MARCHF1: variants seen among roughly 807,000 people sequenced by gnomAD.
The protein encoded by MARCHF1 is membrane associated ring-CH-type finger 1, also known as E3 ubiquitin-protein ligase MARCHF1.
In MARCHF1, 40 loss-of-function variants were observed where a neutral mutation model predicts 54.2. The observed-to-expected ratio is 0.74, with a 90% CI of 0.57 to 0.96. The LOEUF (loss-of-function observed/expected upper bound fraction) is 0.96, where lower values mean the gene tolerates loss of function less well. MARCHF1 is among the 40% of genes least tolerant of loss of function. MARCHF1 has a pLI of 0.00. For synonymous variants in MARCHF1, 236 were observed against 236.3 expected (o/e 1.00, Z 0.01); for missense variants, 586 against 656.5 (o/e 0.89, Z 1.17).
At chr4:163,590,846 C>T (rs571659155) in intron 7 of MARCHF1, among the ~76,000 whole-genome samples, 87 of 151,846 alleles carry the variant, frequency 5.7e-4, no homozygotes, top group African/African-American at 2.0e-3. Context: ...TCATGTTCTG[C>T]GTGTTGTAAA....
At chr4:164,068,381 C>A (rs577850166) in intron 2 of MARCHF1, among the ~76,000 whole-genome samples, 4 of 152,070 alleles carry the variant, frequency 2.6e-5, no homozygotes, top group Admixed American at 6.5e-5. Flanking sequence ...CCTCAGCTTG[C>A]GGGGAGGTGT....
intron 2 of MARCHF1, among the ~76,000 whole-genome samples, chr4:164,012,976 G>A (rs1753455391): frequency 6.6e-6 from 1 of 152,116 alleles, no homozygotes; most frequent in Non-Finnish European, 1.5e-5. Context: ...AGTCTTCCAT[G>A]CCCAGACATC....
At chr4:163,579,319 TAAAACAAATA>T (rs1215280222) in intron 8 of MARCHF1, among the ~76,000 whole-genome samples, 1 of 152,164 alleles carries the variant, frequency 6.6e-6, no homozygotes, top group Admixed American at 6.5e-5. Context: ...GTTTAGGAAA[TAAAACAAATA>T]AAAACAAAAC....
intron 4 of MARCHF1, among the ~76,000 whole-genome samples, chr4:163,802,928 A>G (rs1748122020): frequency 6.6e-6 from 1 of 152,150 alleles, no homozygotes; most frequent in African/African-American, 2.4e-5. Context: ...CATCGCAGAA[A>G]TGACTTCTGA....
chr4:163,699,617 T>G (rs1014593863), intron 5 of MARCHF1, among the ~76,000 whole-genome samples: 1 of 151,874 alleles, frequency 6.6e-6, no homozygotes, highest in African/African-American at 2.4e-5. Flanking sequence ...GGGGATCCTC[T>G]TCAAAGAAAG....
intron 4 of MARCHF1, among the ~76,000 whole-genome samples, chr4:163,832,187 T>C (rs866479901): frequency 2.0e-5 from 3 of 152,196 alleles, no homozygotes; most frequent in African/African-American, 7.2e-5. Flanking sequence ...TCGTTTCTAA[T>C]TGGGGAAAAC....
At chr4:164,140,536 C>T (rs28534709) in intron 1 of MARCHF1, among the ~76,000 whole-genome samples, 2,001 of 152,228 alleles carry the variant, frequency 0.013, 41 homozygotes, top group African/African-American at 0.042. Flanking sequence ...TTACCCCTCA[C>T]TAATTCCTGT....
chr4:164,257,426 A>AAT (rs1221463703), intron 1 of MARCHF1, among the ~76,000 whole-genome samples: 2 of 152,042 alleles, frequency 1.3e-5, no homozygotes, highest in Non-Finnish European at 2.9e-5. Context: ...CCATATAAAA[A>AAT]ATAATAGATT....
At chr4:163,901,101 A>C (rs951229125) in intron 3 of MARCHF1, among the ~76,000 whole-genome samples, 1 of 152,190 alleles carries the variant, frequency 6.6e-6, no homozygotes, top group Non-Finnish European at 1.5e-5. Context: ...TAAGTGATGC[A>C]TACTGTAGAA....
At chr4:163,967,437 T>C (rs1001217192) in intron 3 of MARCHF1, among the ~76,000 whole-genome samples, 3 of 152,134 alleles carry the variant, frequency 2.0e-5, no homozygotes, top group East Asian at 1.9e-4. Flanking sequence ...GAAAGGCAAA[T>C]CACTTTGGCA....
At chr4:164,168,744 C>T (rs890082341) in intron 1 of MARCHF1, among the ~76,000 whole-genome samples, 2 of 151,918 alleles carry the variant, frequency 1.3e-5, no homozygotes, top group Non-Finnish European at 2.9e-5. Flanking sequence ...GTTAGGGGTG[C>T]CAACCTTATC....
At chr4:163,900,113 T>G (rs1750905713) in intron 3 of MARCHF1, among the ~76,000 whole-genome samples, 1 of 152,140 alleles carries the variant, frequency 6.6e-6, no homozygotes, top group Non-Finnish European at 1.5e-5. Flanking sequence ...ATTTATAATC[T>G]TTTGCTACTA....
intron 5 of MARCHF1, among the ~76,000 whole-genome samples, chr4:163,674,608 G>C (rs1404293890): frequency 6.6e-6 from 1 of 152,134 alleles, no homozygotes; most frequent in Non-Finnish European, 1.5e-5. Flanking sequence ...TCCACCCCTA[G>C]TGCCAGTGAC....
intron 4 of MARCHF1, among the ~76,000 whole-genome samples, chr4:163,845,406 G>T (rs1214509374): frequency 6.7e-6 from 1 of 149,222 alleles, no homozygotes; most frequent in African/African-American, 2.5e-5. Flanking sequence ...AGACAAAGAA[G>T]AAACCTTTGG....
chr4:164,110,468 A>T (rs1318679668), intron 2 of MARCHF1, among the ~76,000 whole-genome samples: 1 of 151,736 alleles, frequency 6.6e-6, no homozygotes, highest in Non-Finnish European at 1.5e-5. Flanking sequence ...TACTGGAAAA[A>T]TTTCTAAAAT....
At chr4:163,926,273 G>A (rs532591909) in intron 3 of MARCHF1, among the ~76,000 whole-genome samples, 1 of 151,594 alleles carries the variant, frequency 6.6e-6, no homozygotes, top group Non-Finnish European at 1.5e-5. Context: ...TTAGTGACTG[G>A]CTGCTTTCAC....
At chr4:163,704,090 C>T (rs1744882091) in intron 4 of MARCHF1, among the ~76,000 whole-genome samples, 1 of 149,242 alleles carries the variant, frequency 6.7e-6, no homozygotes, top group African/African-American at 2.5e-5. Flanking sequence ...CATAATAAAG[C>T]TTAAAAAAGT....
At chr4:163,735,290 T>C (rs555125014) in intron 4 of MARCHF1, among the ~76,000 whole-genome samples, 1 of 152,310 alleles carries the variant, frequency 6.6e-6, no homozygotes. Context: ...TAATTATTTA[T>C]TTATTATTCA....
chr4:164,228,023 G>A (rs1403782825), intron 1 of MARCHF1, among the ~76,000 whole-genome samples: 1 of 152,096 alleles, frequency 6.6e-6, no homozygotes, highest in Admixed American at 6.6e-5. Context: ...AATATTAAGA[G>A]GAATTATTCA....
Sources: allele counts gnomAD v4.1 joint callset (sites outside exome capture counted in the v4.1 genomes callset), GRCh38; gene constraint gnomAD v4.1.1; transcripts MANE v1.5; gene names NCBI Gene and HGNC (gene_info 2026-07-23, HGNC 2026-07-21).